The following PPM1H variants were observed in gnomAD, a reference collection of about 807,000 sequenced individuals.
PPM1H encodes protein phosphatase, Mg2+/Mn2+ dependent 1H.
Under a neutral mutation model 54.9 loss-of-function variants are expected in PPM1H, and 27 were observed. The ratio of observed to expected loss-of-function variants is 0.49; its 90% CI spans 0.36 to 0.68. The LOEUF (loss-of-function observed/expected upper bound fraction) is 0.68, where lower values mean the gene tolerates loss of function less well. Among genes scored for constraint, PPM1H ranks in the 30% least tolerant of loss-of-function variants. PPM1H has a pLI of 0.00. For synonymous variants in PPM1H, 305 were observed against 270.8 expected (o/e 1.13, Z -1.24); for missense variants, 596 against 667.8 (o/e 0.89, Z 1.19).
intron 2 of PPM1H, among the ~76,000 whole-genome samples, chr12:62,823,024 A>C (rs1011257672): frequency 2.0e-5 from 3 of 152,216 alleles, no homozygotes; most frequent in African/African-American, 7.2e-5. Flanking sequence ...GAAAAGAGAG[A>C]AGAATCAAAT....
At chr12:62,843,186 C>T (rs184756386) in intron 1 of PPM1H, among the ~76,000 whole-genome samples, 10 of 152,112 alleles carry the variant, frequency 6.6e-5, no homozygotes, top group Non-Finnish European at 8.8e-5. Context: ...CATGGTGGTG[C>T]GTGCGTATAG....
chr12:62,798,559 A>G (rs927983496), intron 3 of PPM1H, among the ~76,000 whole-genome samples: 7 of 151,998 alleles, frequency 4.6e-5, no homozygotes, highest in Non-Finnish European at 8.8e-5. Context: ...ATCTGGGGGG[A>G]AAAAGTGTGA....
chr12:62,797,037 T>C (rs565260281), intron 3 of PPM1H, among the ~76,000 whole-genome samples: 2 of 152,270 alleles, frequency 1.3e-5, no homozygotes, highest in East Asian at 3.9e-4. Context: ...AGGAGTTGTA[T>C]GTCAGGACAT....
chr12:62,809,795 T>C (rs2076824323), intron 2 of PPM1H, among the ~76,000 whole-genome samples: 1 of 152,196 alleles, frequency 6.6e-6, no homozygotes, highest in African/African-American at 2.4e-5. Context: ...CTTCAGCACA[T>C]CTCTTGCTTC....
intron 5 of PPM1H, among the ~76,000 whole-genome samples, chr12:62,729,016 G>A (rs2076305645): frequency 1.3e-5 from 2 of 152,194 alleles, no homozygotes; most frequent in South Asian, 4.1e-4. Context: ...CTGTCCCAGG[G>A]CTTGGGGTAT....
chr12:62,835,993 T>A (rs1439654707), intron 1 of PPM1H, among the ~76,000 whole-genome samples: 1 of 152,224 alleles, frequency 6.6e-6, no homozygotes, highest in Non-Finnish European at 1.5e-5. Flanking sequence ...GTTAACAGAT[T>A]CAACAGATTC....
chr12:62,775,556 C>T (rs953813237), intron 4 of PPM1H, among the ~76,000 whole-genome samples: 12 of 152,232 alleles, frequency 7.9e-5, no homozygotes, highest in African/African-American at 2.7e-4. Flanking sequence ...AAATTACTTA[C>T]GCCTTGGTAG....
At chr12:62,806,177 C>CT (rs777077759) in intron 2 of PPM1H, among the ~76,000 whole-genome samples, 274 of 143,896 alleles carry the variant, frequency 1.9e-3, no homozygotes, top group African/African-American at 5.5e-3. Context: ...ATACTGAAGG[C>CT]TTTTTTTTTT....
chr12:62,867,671 G>A (rs1398734542), intron 1 of PPM1H, among the ~76,000 whole-genome samples: 3 of 137,376 alleles, frequency 2.2e-5, no homozygotes, highest in South Asian at 2.4e-4. Flanking sequence ...TCCGCCTCCC[G>A]GATTCACGCC....
intron 1 of PPM1H, among the ~76,000 whole-genome samples, chr12:62,863,735 A>T (rs1263287616): frequency 1.3e-5 from 2 of 152,180 alleles, no homozygotes; most frequent in African/African-American, 2.4e-5. Flanking sequence ...TCAGGAAAAA[A>T]GTGGGTTTAA....
intron 1 of PPM1H, among the ~76,000 whole-genome samples, chr12:62,886,236 A>C (rs1235474196): frequency 6.6e-6 from 1 of 152,208 alleles, no homozygotes; most frequent in East Asian, 1.9e-4. Context: ...AGCAAGCATC[A>C]CATCAGACAC....
intron 1 of PPM1H, among the ~76,000 whole-genome samples, chr12:62,924,255 C>T (rs913016999): frequency 5.9e-5 from 9 of 152,138 alleles, no homozygotes; most frequent in Non-Finnish European, 1.3e-4. Context: ...GGCAGTTCAC[C>T]AACTCAAAGG....
At chr12:62,854,173 C>A (rs1869299879) in intron 1 of PPM1H, among the ~76,000 whole-genome samples, 1 of 152,158 alleles carries the variant, frequency 6.6e-6, no homozygotes, top group African/African-American at 2.4e-5. Flanking sequence ...TTCTTTAAAG[C>A]TGAGCAGCAC....
intron 1 of PPM1H, among the ~76,000 whole-genome samples, chr12:62,841,731 A>G (rs542783418): frequency 1.3e-4 from 20 of 152,332 alleles, no homozygotes; most frequent in African/African-American, 4.8e-4. Flanking sequence ...CTGTGGATAC[A>G]CTTTGCTTTA....
chr12:62,903,651 A>G (rs1387674550), intron 1 of PPM1H, among the ~76,000 whole-genome samples: 2 of 152,068 alleles, frequency 1.3e-5, no homozygotes, highest in Non-Finnish European at 2.9e-5. Flanking sequence ...AAAACATAAG[A>G]CACGAATAAT....
intron 1 of PPM1H, among the ~76,000 whole-genome samples, chr12:62,902,748 A>G (rs927386505): frequency 1.3e-5 from 2 of 152,368 alleles, no homozygotes; most frequent in Non-Finnish European, 2.9e-5. Context: ...AATGCCTGGC[A>G]TATACTGAAG....
intron 1 of PPM1H, among the ~76,000 whole-genome samples, chr12:62,896,823 C>T (rs931611470): frequency 6.6e-6 from 1 of 152,090 alleles, no homozygotes; most frequent in Non-Finnish European, 1.5e-5. Flanking sequence ...CGGCACTATT[C>T]ACAATAGCAA....
At chr12:62,785,261 C>T (rs1331097243) in intron 4 of PPM1H, among the ~76,000 whole-genome samples, 1 of 152,226 alleles carries the variant, frequency 6.6e-6, no homozygotes, top group African/African-American at 2.4e-5. Flanking sequence ...ACTGCAACCT[C>T]TGCCTCCCAT....
At chr12:62,697,765 TA>T (rs1592549678) in intron 6 of PPM1H, among the ~76,000 whole-genome samples, 1 of 151,992 alleles carries the variant, frequency 6.6e-6, no homozygotes, top group African/African-American at 2.4e-5. Flanking sequence ...AAATCCTAAT[TA>T]AATTTTTAAG....
Sources: gnomAD v4.1 joint callset for allele counts (sites outside exome capture counted in the v4.1 genomes callset) on GRCh38, gnomAD v4.1.1 for gene constraint, MANE v1.5 for transcripts, NCBI Gene and HGNC (gene_info 2026-07-23, HGNC 2026-07-21) for gene names.